The following FSTL1 variants were observed in gnomAD, a reference collection of about 807,000 sequenced individuals.
The protein encoded by FSTL1 is follistatin like 1.
FSTL1 carries 24 observed loss-of-function variants against 45.9 expected under a neutral mutation model. The ratio of observed to expected loss-of-function variants is 0.52; its 90% CI spans 0.38 to 0.74. The LOEUF is 0.74. Among genes scored for constraint, FSTL1 ranks in the 30% least tolerant of loss-of-function variants. The pLI is 0.00. For synonymous variants in FSTL1, 120 were observed against 137.6 expected (o/e 0.87, Z 0.89); for missense variants, 340 against 381.8 (o/e 0.89, Z 0.91).
In FSTL1 at chr3:120,395,652, T is replaced by C. The variant is rs1433849317; in HGVS notation, c.*1300A>G. The C allele has an allele frequency of 1.9e-6, 1 of 534,114 alleles. No individual in the cohort carries two copies. Among genetic ancestry groups the C allele is most frequent in the East Asian group, 5.5e-5 (1 of 18,348 alleles). The allele number at this position is 534,114 out of a possible 1,614,324, so 33.1% of individuals were successfully genotyped here. ...GTTTTTGGCCATCTGACATTTCTTG[T>C]TCTAGTAACAAGATTTCATTTATTC... On this transcript the variant is annotated 3_prime_UTR_variant, in exon 11 of 11. Coordinates refer to ENST00000295633, the MANE Select transcript of FSTL1 (RefSeq NM_007085.5).
At chr3:120,441,673 T>TAC (rs141128262) in intron 2 of FSTL1, among the ~76,000 whole-genome samples, 3,084 of 151,874 alleles carry the variant, frequency 0.02, 115 homozygotes, top group African/African-American at 0.071. Context: ...TACACACATG[T>TAC]ACACACACAC....
At chr3:120,443,192 G>A (rs1466618293) in intron 2 of FSTL1, among the ~76,000 whole-genome samples, 2 of 149,588 alleles carry the variant, frequency 1.3e-5, no homozygotes, top group Non-Finnish European at 2.9e-5. Context: ...CTGCCCAAGT[G>A]GAGTCTTTCA....
At chr3:120,425,339 T>C (rs1937358021) in intron 2 of FSTL1, among the ~76,000 whole-genome samples, 1 of 149,912 alleles carries the variant, frequency 6.7e-6, no homozygotes, top group East Asian at 1.9e-4. Context: ...GAGAAATCAT[T>C]TGGCAAATGT....
chr3:120,428,772 CA>C (rs869201836), intron 2 of FSTL1, among the ~76,000 whole-genome samples: 1 of 148,170 alleles, frequency 6.7e-6, no homozygotes, highest in East Asian at 2.0e-4. Context: ...ACAACAACAA[CA>C]AAAAACAGGG....
intron 2 of FSTL1, among the ~76,000 whole-genome samples, chr3:120,443,368 G>A (rs1228401506): frequency 6.7e-6 from 1 of 149,628 alleles, no homozygotes; most frequent in Non-Finnish European, 1.5e-5. Flanking sequence ...GATCTGTATG[G>A]TAAGGCTTTT....
chr3:120,432,442 G>A (rs1278799544), intron 2 of FSTL1, among the ~76,000 whole-genome samples: 3 of 151,926 alleles, frequency 2.0e-5, no homozygotes, highest in African/African-American at 4.8e-5. Flanking sequence ...ATTCCGTTCC[G>A]CTGCAACAAA....
chr3:120,405,274 A>T lies in FSTL1; in HGVS notation c.463-303T>A, dbSNP rs960275928. Among the ~76,000 whole-genome samples, 17 of 152,296 alleles carry T rather than the reference A, an allele frequency of 1.1e-4. 1 individual carries two copies. Among genetic ancestry groups the T allele is most frequent in the African/African-American group, 3.9e-4 (16 of 41,550 alleles). On this transcript the variant is annotated intron_variant, in intron 6 of 10. Transcript: ENST00000295633. ...CACTGCCCTGTAGACACTTTTGACT[A>T]TACCTTTGGGTTCAGACCAACCTGC...
chr3:120,396,917 A>G lies in FSTL1; in HGVS notation c.*35T>C. ...TGAACTCAGCGCTGAAGTGGAGAAG[A>G]TGCTGGGATCCAGACACTGGTCTGT... is the stretch of plus-strand genomic sequence containing the variant. On this transcript the variant is annotated 3_prime_UTR_variant, in exon 11 of 11. Coordinates refer to ENST00000295633, the MANE Select transcript of FSTL1 (RefSeq NM_007085.5). 1 of 1,525,708 alleles carries G rather than the reference A, an allele frequency of 6.6e-7. No homozygotes were observed. Among genetic ancestry groups the G allele is most frequent in the Non-Finnish European group, 9.1e-7 (1 of 1,099,298 alleles). The allele number at this position is 1,525,708 out of a possible 1,614,324, so 94.5% of individuals were successfully genotyped here. A position where few individuals can be genotyped will look rare whatever the true frequency, so the allele number is the denominator to read the frequency against.
intron 3 of FSTL1, among the ~76,000 whole-genome samples, chr3:120,415,005 A>T (rs1034021895): frequency 4.0e-5 from 5 of 125,760 alleles, no homozygotes; most frequent in Admixed American, 1.5e-4. Context: ...AAATAAATTA[A>T]AAAAAAAAGA....
intron 7 of FSTL1, among the ~76,000 whole-genome samples, chr3:120,403,961 CAAA>C (rs57786208): frequency 1.7e-4 from 13 of 75,798 alleles, no homozygotes; most frequent in African/African-American, 5.3e-4. Context: ...CAAAACAAAA[CAAA>C]AACAAAAACA....
At chr3:120,429,117 C>T (rs1403838458) in intron 2 of FSTL1, among the ~76,000 whole-genome samples, 4 of 152,246 alleles carry the variant, frequency 2.6e-5, no homozygotes, top group Non-Finnish European at 5.9e-5. Flanking sequence ...AGCTTGCCCA[C>T]GCCCAGGCTC....
At chr3:120,414,427 C>T (rs1318301136) in intron 3 of FSTL1, among the ~76,000 whole-genome samples, 1 of 152,230 alleles carries the variant, frequency 6.6e-6, no homozygotes, top group African/African-American at 2.4e-5. Context: ...GCGCCTCTGC[C>T]CGGCCGCCCC....
intron 2 of FSTL1, among the ~76,000 whole-genome samples, chr3:120,422,371 G>C (rs966410270): frequency 1.3e-5 from 2 of 152,152 alleles, no homozygotes; most frequent in Non-Finnish European, 2.9e-5. Flanking sequence ...TAACTATGTA[G>C]AGGTAGTGAA....
At chr3:120,399,992 AG>A in intron 9 of FSTL1, 33 bp from the exon 10 acceptor site, 1 of 1,430,670 alleles carries the variant, frequency 7.0e-7, no homozygotes, top group East Asian at 2.3e-5. Context: ...GAGCAGTAGC[AG>A]CTGTGGTAAG....
At chr3:120,438,472 G>C (rs1937593754) in intron 2 of FSTL1, 1 of 152,232 alleles carries the variant, frequency 6.6e-6, no homozygotes, top group Non-Finnish European at 1.5e-5. Context: ...CATGGCGAGA[G>C]AAAGTAAAGG....
intron 2 of FSTL1, among the ~76,000 whole-genome samples, chr3:120,439,364 A>G (rs874478): frequency 0.56 from 85,337 of 152,176 alleles, 28,038 homozygotes; most frequent in East Asian, 0.75. Flanking sequence ...TGACTTGTGC[A>G]ACAGCCCAAA....
At chr3:120,405,058 T>G in intron 6 of FSTL1, 87 bp from the exon 7 acceptor site, 1 of 772,260 alleles carries the variant, frequency 1.3e-6, no homozygotes, top group South Asian at 1.4e-5. Context: ...TGCCTCTGAT[T>G]CATCTTGTTC....
At chr3:120,414,831 G>C (rs914993344) in intron 3 of FSTL1, among the ~76,000 whole-genome samples, 8 of 151,648 alleles carry the variant, frequency 5.3e-5, no homozygotes, top group African/African-American at 1.9e-4. Context: ...CTAATCTCAA[G>C]TACCCAGGGA....
Position 120,430,641 on chromosome 3 carries a change from C to T in FSTL1, c.64-14614G>A, listed in dbSNP as rs568578553. Among the ~76,000 whole-genome samples, 14 of 152,276 alleles carry T rather than the reference C, an allele frequency of 9.2e-5. No homozygotes were observed. In the South Asian group the frequency reaches 2.9e-3, roughly 32 times the overall value. ...TTGAAAAGAAAAGCAACAATCCAAA[C>T]ACAAATTAATCTGCATTTCCTTATC... On this transcript the variant is annotated intron_variant, in intron 2 of 10. Coordinates refer to ENST00000295633, the MANE Select transcript of FSTL1 (RefSeq NM_007085.5).
Sources: gnomAD v4.1 joint callset for allele counts (sites outside exome capture counted in the v4.1 genomes callset) on GRCh38, gnomAD v4.1.1 for gene constraint, MANE v1.5 for transcripts, NCBI Gene and HGNC (gene_info 2026-07-23, HGNC 2026-07-21) for gene names.